Variants in CCDC110 observed in about 807,000 individuals in gnomAD.
CCDC110 encodes the protein coiled-coil domain-containing protein 110.
In CCDC110, 70 loss-of-function variants were observed where a neutral mutation model predicts 77.1. The ratio of observed to expected loss-of-function variants is 0.91; its 90% confidence interval spans 0.75 to 1.11. The LOEUF (loss-of-function observed/expected upper bound fraction) is 1.11, where lower values mean the gene tolerates loss of function less well. CCDC110 is among the 50% of genes least tolerant of loss of function. The pLI, the probability that CCDC110 is intolerant of heterozygous loss-of-function variation, is 0.00. For missense variants in CCDC110, 868 were observed against 942.9 expected (o/e 0.92, Z 1.04); for synonymous variants, 295 against 312.5 (o/e 0.94, Z 0.59).
intron 2 of CCDC110, among the ~76,000 whole-genome samples, chr4:185,463,568 C>T (rs1283299137): frequency 6.6e-6 from 1 of 152,190 alleles, no homozygotes. Context: ...CCCCTCTTGG[C>T]CATGTATGAA....
In CCDC110 at chr4:185,463,009, T is replaced by G; in HGVS notation, c.156A>C (p.Pro52=). ...ATAGACTCACTTTCAATGCTGATTG[T>G]GGTTGGATTTGATTTTCTGATTCTG... is the stretch of plus-strand genomic sequence containing the variant. ...CIAESENQIQ[P]QSALKVLQQQ... Residue 52 remains proline (P), a synonymous_variant, in exon 3 of 7, where the codon CCA becomes CCC. Transcript: ENST00000307588. The G allele has an allele frequency of 1.9e-6, 3 of 1,613,616 alleles. No individual in the cohort carries two copies. Among genetic ancestry groups the G allele is most frequent in the Non-Finnish European group, 2.5e-6 (3 of 1,179,538 alleles).
At chr4:185,446,861 T>A (rs1419332139) in intron 6 of CCDC110, among the ~76,000 whole-genome samples, 3 of 152,222 alleles carry the variant, frequency 2.0e-5, no homozygotes, top group Non-Finnish European at 2.9e-5. Flanking sequence ...AAACATTTGC[T>A]TAAAAACCTG....
rs1216796896 is a variant in CCDC110 at position 185,468,048 on chromosome 4, C to T, written c.115+2897G>A. 6.6e-6 allele frequency among the ~76,000 whole-genome samples: 1 copy of T among 152,200 alleles called. No homozygotes were observed. Among genetic ancestry groups the T allele is most frequent in the Non-Finnish European group, 1.5e-5 (1 of 68,030 alleles). ...TCTCCCAAAATGCTGGGATTACAGG[C>T]GTGAGCCACCATGCCTGGCCGCAGG... On this transcript the variant is annotated intron_variant, in intron 2 of 6. Transcript: ENST00000307588. This position sits in a 1 kb window ranked among gnomAD's most constrained non-coding sequence, Gnocchi z 4.5.
chr4:185,452,405 A>G (rs886533413), intron 6 of CCDC110: 9 of 983,212 alleles, frequency 9.2e-6, no homozygotes, highest in Non-Finnish European at 9.7e-6. Flanking sequence ...TTGACATAAC[A>G]TGGAAGAAAG....
chr4:185,449,522 T>TAA (rs35349112), intron 6 of CCDC110: 9,173 of 821,426 alleles, frequency 0.011, no homozygotes, highest in East Asian at 0.018. Flanking sequence ...GACCCGGTCT[T>TAA]AAAAAAAAAA....
In CCDC110 at chr4:185,468,816, C is replaced by T. The variant is rs976500005; in HGVS notation, c.115+2129G>A. Among the ~76,000 whole-genome samples, 4 of 152,294 alleles carry T rather than the reference C, an allele frequency of 2.6e-5. No individual in the cohort carries two copies. Among genetic ancestry groups the T allele is most frequent in the Admixed American group, 2.0e-4 (3 of 15,292 alleles). ...TATGTTCTCCATAGAATTTATTCCCCGCTTACACACAATAGCCTTTGTCTG... is the reference window on the plus strand; with the variant it reads ...TATGTTCTCCATAGAATTTATTCCCTGCTTACACACAATAGCCTTTGTCTG... On this transcript the variant is annotated intron_variant, in intron 2 of 6. Coordinates refer to ENST00000307588, the MANE Select transcript of CCDC110 (RefSeq NM_152775.4). The surrounding 1 kb of genome is among the most constrained non-coding windows in gnomAD (Gnocchi z 4.5).
Position 185,471,035 on chromosome 4 carries a change from C to CAT in CCDC110, c.24_25insAT (p.Glu9MetfsTer17). 1 of 1,585,446 alleles carries CAT rather than the reference C, an allele frequency of 6.3e-7. No individual in the cohort carries two copies. Among genetic ancestry groups the CAT allele is most frequent in the Admixed American group, 1.8e-5 (1 of 57,114 alleles). ...AGAACGGAGTCAACTTCATCCTCTT[C>CAT]CCGGTGCTGCTTTTCTGTAACAGAA... is the stretch of plus-strand genomic sequence containing the variant. On this transcript the variant is annotated frameshift_variant, in exon 2 of 7. Coordinates refer to ENST00000307588, the MANE Select transcript of CCDC110 (RefSeq NM_152775.4). LOFTEE classifies it high-confidence loss of function.
intron 2 of CCDC110, among the ~76,000 whole-genome samples, chr4:185,465,221 C>T (rs984624123): frequency 2.0e-5 from 3 of 152,206 alleles, no homozygotes; most frequent in African/African-American, 4.8e-5. Flanking sequence ...CTATCTCCTT[C>T]CCATACCTAC....
At chr4:185,463,681 C>T (rs2095650397) in intron 2 of CCDC110, among the ~76,000 whole-genome samples, 1 of 152,200 alleles carries the variant, frequency 6.6e-6, no homozygotes, top group South Asian at 2.1e-4. Context: ...TAGCACTCCC[C>T]GCTTCAGACT....
chr4:185,466,118 G>A (rs938641957), intron 2 of CCDC110, among the ~76,000 whole-genome samples: 6 of 152,310 alleles, frequency 3.9e-5, no homozygotes, highest in African/African-American at 1.4e-4. Flanking sequence ...GCTCGCACCT[G>A]TAATCCCAGC....
At position 185,471,016 on chromosome 4, in the gene CCDC110, G is replaced by C. The variant is rs761637528; in HGVS notation, c.44C>G (p.Ser15Cys). Residue 15 changes from serine (S) to cysteine (C), a missense_variant, in exon 2 of 7, where the codon TCC (serine) becomes TGC (cysteine). Transcript: ENST00000307588. ...GATCTTGGACGCTGAAAGGAGAACG[G>C]AGTCAACTTCATCCTCTTCCCGGTG... ...KQHREEDEVD[S>C]VLLSASKILN... is the part of the protein sequence containing the mutation. 7 of 1,599,520 alleles carry C rather than the reference G, an allele frequency of 4.4e-6. No individual in the cohort carries two copies. The South Asian group carries it at 4.4e-5, about 10-fold the overall frequency.
intron 6 of CCDC110, among the ~76,000 whole-genome samples, chr4:185,449,430 A>G (rs766297997): frequency 1.3e-5 from 2 of 152,068 alleles, no homozygotes; most frequent in Non-Finnish European, 2.9e-5. Flanking sequence ...CCGAGGCAGG[A>G]GGATTGCCTA....
chr4:185,458,518 T>A lies in CCDC110; in HGVS notation c.2069A>T (p.Tyr690Phe), dbSNP rs2095639722. 1 of 1,608,600 alleles carries A rather than the reference T, an allele frequency of 6.2e-7. No homozygotes were observed. The highest frequency in any genetic ancestry group is 8.5e-7 in the Non-Finnish European group (1 of 1,178,996). ...IKNAKSEASI[Y>F]KNSLSEIGKE... ...GCCAATTTCTGACAAGCTATTCTTATAAATACTTGCTTCTGATTTTGCATT... is the reference window on the plus strand; with the variant it reads ...GCCAATTTCTGACAAGCTATTCTTAAAAATACTTGCTTCTGATTTTGCATT... Residue 690 changes from tyrosine (Y) to phenylalanine (F), a missense_variant, in exon 6 of 7, where the codon TAT becomes TTT. Tyr to Phe is a conservative substitution (Grantham distance 22, BLOSUM62 3). Coordinates refer to ENST00000307588, the MANE Select transcript of CCDC110 (RefSeq NM_152775.4).
Position 185,458,587 on chromosome 4 carries a change from G to A in CCDC110, c.2000C>T (p.Thr667Ile), listed in dbSNP as rs755166300. The A allele has an allele frequency of 6.2e-7, 1 of 1,608,060 alleles. No homozygotes were observed. The highest frequency in any genetic ancestry group is 8.5e-7 in the Non-Finnish European group (1 of 1,179,570). The part of the protein sequence containing the change: ...IMEREIENIQ[T>I]YQSTAEENFL... ...ATTCTCTTCGGCAGTAGATTGGTAG[G>A]TTTGAATATTCTCAATTTCTCTTTC... is the stretch of plus-strand genomic sequence containing the variant. Residue 667 changes from threonine (T) to isoleucine (I), a missense_variant, in exon 6 of 7, where the codon ACC (threonine) becomes ATC (isoleucine). Coordinates refer to ENST00000307588, the MANE Select transcript of CCDC110 (RefSeq NM_152775.4).
intron 1 of CCDC110, 152 bp downstream of exon 1, chr4:185,471,522 G>T: frequency 1.2e-6 from 1 of 866,490 alleles, no homozygotes. Flanking sequence ...CGGGTGCTCA[G>T]CCCTAGGGCC....
chr4:185,452,333 C>T (rs1580170790), intron 6 of CCDC110: 2 of 985,298 alleles, frequency 2.0e-6, no homozygotes, highest in African/African-American at 1.7e-5. Flanking sequence ...ACATCAGTCT[C>T]TGCTACAAAC....
Position 185,459,868 on chromosome 4 carries a change from T to G in CCDC110, c.719A>C (p.Asp240Ala), listed in dbSNP as rs143728634. The change falls in exon 6 of 7, where the codon GAC becomes GCC. Residue 240 changes from aspartate (D) to alanine (A), a missense_variant. Physicochemically the swap from Asp to Ala is moderately radical, Grantham distance 126 (BLOSUM62 -2). Coordinates refer to ENST00000307588, the MANE Select transcript of CCDC110 (RefSeq NM_152775.4). ...CATTTGTTTGATAGAATGGCAAATG[T>G]CATCTAAATTTTCACAAAATCCATG... The part of the protein sequence containing the change: ...LKHGFCENLD[D>A]ICHSIKQMKE... 6.2e-7 allele frequency: 1 copy of G among 1,613,492 alleles called. No individual in the cohort carries two copies. Among genetic ancestry groups the G allele is most frequent in the African/African-American group, 1.3e-5 (1 of 74,924 alleles).
rs181507820 is a variant in CCDC110, at chr4:185,451,642, G to A, written c.2462-6100C>T. ...GTACACATAGGTGAATAAAATCTACGGTTATATATCAATAATGTTACCAAA... is the reference window on the plus strand; with the variant it reads ...GTACACATAGGTGAATAAAATCTACAGTTATATATCAATAATGTTACCAAA... On this transcript the variant is annotated intron_variant, in intron 6 of 6. Transcript: ENST00000307588. Among the ~76,000 whole-genome samples the A allele has an allele frequency of 4.0e-4, 61 of 152,228 alleles. No homozygotes were observed. In the South Asian group the frequency reaches 0.011, roughly 28 times the overall value.
chr4:185,455,659 G>A (rs1257596916), intron 6 of CCDC110, among the ~76,000 whole-genome samples: 1 of 152,132 alleles, frequency 6.6e-6, no homozygotes, highest in African/African-American at 2.4e-5. Context: ...CGAGGCAGGT[G>A]GATCACCTGA....
Sources: gnomAD v4.1 joint callset for allele counts (sites outside exome capture counted in the v4.1 genomes callset) on GRCh38, gnomAD v4.1.1 for gene constraint, Gnocchi (gnomAD v3.1) non-coding constraint, MANE v1.5 for transcripts, NCBI Gene and HGNC (gene_info 2026-07-23, HGNC 2026-07-21) for gene names.